MACROD2: variants seen among roughly 807,000 people sequenced by gnomAD.
The protein encoded by MACROD2 is ADP-ribose glycohydrolase MACROD2.
A neutral mutation model predicts 70.4 loss-of-function variants in MACROD2; 36 were observed. The ratio of observed to expected loss-of-function variants is 0.51; its 90% CI spans 0.39 to 0.68. The LOEUF is 0.68. Ranked by LOEUF, MACROD2 falls within the 30% of genes least tolerant of loss-of-function variation. The probability of loss-of-function intolerance (pLI) is 0.00; values close to 1 mark genes in which losing one functional copy is unlikely to be tolerated. For missense variants in MACROD2, 496 were observed against 538.4 expected (o/e 0.92, Z 0.78); for synonymous variants, 172 against 178.8 (o/e 0.96, Z 0.30).
intron 6 of MACROD2, among the ~76,000 whole-genome samples, chr20:15,335,937 G>T (rs1374327550): frequency 2.0e-5 from 3 of 151,624 alleles, no homozygotes; most frequent in Non-Finnish European, 4.4e-5. Flanking sequence ...CCTAGAACAT[G>T]CCTTGCGCTT....
At chr20:14,530,353 G>A (rs982288594) in intron 4 of MACROD2, among the ~76,000 whole-genome samples, 1 of 152,116 alleles carries the variant, frequency 6.6e-6, no homozygotes. Flanking sequence ...ACAAAATAAA[G>A]AGCAGAAATG....
intron 3 of MACROD2, among the ~76,000 whole-genome samples, chr20:14,146,874 T>A (rs2054949426): frequency 6.6e-6 from 1 of 152,156 alleles, no homozygotes; most frequent in South Asian, 2.1e-4. Context: ...TCTCAAACAT[T>A]GCCATCTATC....
At chr20:15,853,755 A>G (rs574387903) in intron 8 of MACROD2, among the ~76,000 whole-genome samples, 1 of 152,282 alleles carries the variant, frequency 6.6e-6, no homozygotes, top group Non-Finnish European at 1.5e-5. Context: ...TTCAGCTGAC[A>G]CCTTGATTTT....
chr20:14,962,554 TC>T, intron 5 of MACROD2, among the ~76,000 whole-genome samples: 1 of 151,228 alleles, frequency 6.6e-6, no homozygotes, highest in East Asian at 1.9e-4. Context: ...TCTCTCTGTC[TC>T]TATATATATG....
intron 5 of MACROD2, among the ~76,000 whole-genome samples, chr20:15,024,496 G>A (rs976005317): frequency 6.9e-6 from 1 of 145,622 alleles, no homozygotes. Flanking sequence ...TGATTTGTAG[G>A]GTTTCAAATG....
chr20:15,256,515 G>A (rs1016785458), intron 6 of MACROD2, among the ~76,000 whole-genome samples: 14 of 151,302 alleles, frequency 9.3e-5, no homozygotes, highest in African/African-American at 2.4e-4. Flanking sequence ...TCTAGTAGTC[G>A]GCAAATAATA....
chr20:15,102,610 A>G (rs865853285), intron 5 of MACROD2, among the ~76,000 whole-genome samples: 6 of 152,182 alleles, frequency 3.9e-5, no homozygotes, highest in African/African-American at 9.6e-5. Flanking sequence ...TTTGTAAAAC[A>G]ATATTTTCCA....
chr20:15,153,987 G>A (rs1429584770), intron 5 of MACROD2, among the ~76,000 whole-genome samples: 1 of 152,154 alleles, frequency 6.6e-6, no homozygotes, highest in East Asian at 1.9e-4. Context: ...CTTGCTGTTT[G>A]AGGGTGCATT....
intron 5 of MACROD2, among the ~76,000 whole-genome samples, chr20:15,084,152 G>T (rs1568565090): frequency 2.7e-5 from 4 of 149,548 alleles, no homozygotes; most frequent in African/African-American, 9.9e-5. Flanking sequence ...TGCAACCTCT[G>T]CCTCCCGGGT....
At position 14,524,156 on chromosome 20, in the gene MACROD2, A is replaced by C. The variant is rs571165081; in HGVS notation, c.301+30648A>C. Among the ~76,000 whole-genome samples the C allele has an allele frequency of 3.9e-5, 6 of 152,356 alleles. No homozygotes were observed. In the South Asian group the frequency reaches 1.2e-3, roughly 32 times the overall value. On this transcript the variant is annotated intron_variant, in intron 4 of 17. Coordinates refer to ENST00000684519, the MANE Select transcript of MACROD2 (RefSeq NM_001351661.2). ...GTATTTATAATTACATTGCCTCAGA[A>C]GTCATAAACCAGGACCTGTAGTCAC...
intron 13 of MACROD2, among the ~76,000 whole-genome samples, chr20:15,984,900 T>C (rs2066456481): frequency 6.6e-6 from 1 of 152,172 alleles, no homozygotes; most frequent in Non-Finnish European, 1.5e-5. Context: ...CAGCCACTTA[T>C]GCTGCTGTTC....
rs142298432 is a variant in MACROD2, at chr20:14,519,283, C to T, written c.301+25775C>T. ...TGAAGTATATTCAGAAAAACCAGTTCTGCTGCTTAGTGATCTGTTTACTCC... is the reference window on the plus strand; with the variant it reads ...TGAAGTATATTCAGAAAAACCAGTTTTGCTGCTTAGTGATCTGTTTACTCC... On this transcript the variant is annotated intron_variant, in intron 4 of 17. Transcript: ENST00000684519. Among the ~76,000 whole-genome samples, 8 of 152,150 alleles carry T rather than the reference C, an allele frequency of 5.3e-5. No individual in the cohort carries two copies. The East Asian group carries it at 7.7e-4, about 15-fold the overall frequency.
chr20:15,618,863 G>T (rs1487797011), intron 8 of MACROD2, among the ~76,000 whole-genome samples: 1 of 152,180 alleles, frequency 6.6e-6, no homozygotes, highest in Non-Finnish European at 1.5e-5. Context: ...GGAGACAGGA[G>T]TTTTATTATT....
At chr20:14,301,947 T>C (rs916447227) in intron 3 of MACROD2, among the ~76,000 whole-genome samples, 4 of 152,202 alleles carry the variant, frequency 2.6e-5, no homozygotes, top group African/African-American at 9.6e-5. Flanking sequence ...TTGGATTAAA[T>C]CTTTTTCTTA....
intron 4 of MACROD2, among the ~76,000 whole-genome samples, chr20:14,654,126 T>C (rs1157844573): frequency 1.3e-5 from 2 of 152,178 alleles, no homozygotes; most frequent in Non-Finnish European, 2.9e-5. Context: ...TAATTATTAA[T>C]TTCAGAAACA....
intron 4 of MACROD2, among the ~76,000 whole-genome samples, chr20:14,591,826 G>A (rs1241909534): frequency 6.6e-6 from 1 of 152,136 alleles, no homozygotes; most frequent in East Asian, 1.9e-4. Flanking sequence ...CATATACCAA[G>A]CAGTGTTCTG....
chr20:14,058,546 A>T lies in MACROD2; in HGVS notation c.164-27075A>T, dbSNP rs191808822. On this transcript the variant is annotated intron_variant, in intron 2 of 17. Coordinates refer to ENST00000684519, the MANE Select transcript of MACROD2 (RefSeq NM_001351661.2). ...TTTTTTAAAAAATTTTTCCTTATGG[A>T]GTTTTTTCCTATATTGAGAGTCTTT... Among the ~76,000 whole-genome samples the T allele has an allele frequency of 2.8e-3, 412 of 148,976 alleles. 3 individuals carry two copies. Among genetic ancestry groups the T allele is most frequent in the Middle Eastern group, 0.01 (3 of 288 alleles).
At chr20:14,458,963 G>T (rs1002658584) in intron 3 of MACROD2, among the ~76,000 whole-genome samples, 3 of 151,834 alleles carry the variant, frequency 2.0e-5, no homozygotes, top group Admixed American at 2.0e-4. Flanking sequence ...AATAATCTAG[G>T]TTAATATTGG....
At chr20:14,127,992 C>A in intron 3 of MACROD2, 1 of 528,832 alleles carries the variant, frequency 1.9e-6, no homozygotes, top group South Asian at 1.5e-5. Context: ...TGTCAGTGGT[C>A]TGGAGAATCA....
Sources: gnomAD v4.1 joint callset for allele counts (sites outside exome capture counted in the v4.1 genomes callset) on GRCh38, gnomAD v4.1.1 for gene constraint, MANE v1.5 for transcripts, NCBI Gene and HGNC (gene_info 2026-07-23, HGNC 2026-07-21) for gene names.